Variants in DSCAM observed in about 807,000 individuals in gnomAD.
DSCAM encodes the protein DS cell adhesion molecule.
Under a neutral mutation model 217.7 loss-of-function variants are expected in DSCAM, and 47 were observed. The observed-to-expected ratio is 0.22, with a 90% CI of 0.17 to 0.28. The LOEUF (loss-of-function observed/expected upper bound fraction) is 0.28, where lower values mean the gene tolerates loss of function less well. Among genes scored for constraint, DSCAM ranks in the 10% least tolerant of loss-of-function variants. DSCAM has a pLI of 1.00. For missense variants in DSCAM, 2,080 were observed against 2,618.3 expected (o/e 0.79, Z 4.49); for synonymous variants, 1,056 against 1,015.3 (o/e 1.04, Z -0.76).
intron 3 of DSCAM, among the ~76,000 whole-genome samples, chr21:40,419,781 T>C (rs1259458266): frequency 2.0e-5 from 3 of 152,178 alleles, no homozygotes; most frequent in African/African-American, 4.8e-5. Context: ...AGCATCATCA[T>C]CACCATGTAT....
chr21:40,641,991 T>C (rs555446244), intron 3 of DSCAM, among the ~76,000 whole-genome samples: 87 of 147,674 alleles, frequency 5.9e-4, no homozygotes, highest in African/African-American at 2.0e-3. Flanking sequence ...GAGGTTCCAG[T>C]GAGCTGAGAT....
chr21:40,674,685 T>C (rs1049562043), intron 3 of DSCAM, among the ~76,000 whole-genome samples: 2 of 143,230 alleles, frequency 1.4e-5, no homozygotes, highest in Non-Finnish European at 3.0e-5. Flanking sequence ...CAGGCTGGAG[T>C]GCAGTGGCGC....
intron 1 of DSCAM, among the ~76,000 whole-genome samples, chr21:40,791,316 C>T (rs573342575): frequency 2.6e-5 from 4 of 151,802 alleles, no homozygotes; most frequent in African/African-American, 7.3e-5. Context: ...TGACAATATC[C>T]GCTTACGTTG....
intron 8 of DSCAM, among the ~76,000 whole-genome samples, chr21:40,321,809 T>G (rs1382077870): frequency 6.6e-6 from 1 of 152,184 alleles, no homozygotes; most frequent in East Asian, 1.9e-4. Flanking sequence ...GAGTATCCTT[T>G]GTGTCAGCCA....
At chr21:40,336,088 G>A (rs916770165) in intron 8 of DSCAM, among the ~76,000 whole-genome samples, 1 of 152,116 alleles carries the variant, frequency 6.6e-6, no homozygotes, top group Non-Finnish European at 1.5e-5. Flanking sequence ...TCTATGTCCT[G>A]TGTAATAAAA....
chr21:40,833,810 CTG>C (rs2092031476), intron 1 of DSCAM, among the ~76,000 whole-genome samples: 2 of 152,172 alleles, frequency 1.3e-5, no homozygotes, highest in Non-Finnish European at 2.9e-5. Flanking sequence ...TAACTAGACT[CTG>C]AGCTATTTAA....
chr21:40,025,776 G>C (rs1463442700), intron 32 of DSCAM, among the ~76,000 whole-genome samples: 3 of 150,606 alleles, frequency 2.0e-5, no homozygotes, highest in Admixed American at 1.3e-4. Flanking sequence ...CTCTTTATTA[G>C]TCTTGCTAGC....
intron 3 of DSCAM, among the ~76,000 whole-genome samples, chr21:40,523,738 T>G (rs371696691): frequency 6.6e-6 from 1 of 152,130 alleles, no homozygotes; most frequent in Non-Finnish European, 1.5e-5. Context: ...AGGAGTCTAA[T>G]TGATCTGATA....
chr21:40,641,613 G>T (rs1216446209), intron 3 of DSCAM, among the ~76,000 whole-genome samples: 1 of 152,088 alleles, frequency 6.6e-6, no homozygotes, highest in Non-Finnish European at 1.5e-5. Flanking sequence ...GATTCAACAT[G>T]ATTGAAAATA....
chr21:40,157,253 C>A (rs2090488300), intron 16 of DSCAM, among the ~76,000 whole-genome samples: 1 of 152,198 alleles, frequency 6.6e-6, no homozygotes, highest in Non-Finnish European at 1.5e-5. Context: ...GCAGTTAAGA[C>A]CGAGACTGCA....
At chr21:40,376,916 A>G (rs901660184) in intron 3 of DSCAM, among the ~76,000 whole-genome samples, 3 of 152,024 alleles carry the variant, frequency 2.0e-5, no homozygotes, top group Non-Finnish European at 2.9e-5. Flanking sequence ...AATTTATGTT[A>G]ATGTCCTAAC....
chr21:40,096,710 A>T (rs1482499061), intron 20 of DSCAM, among the ~76,000 whole-genome samples: 1 of 152,162 alleles, frequency 6.6e-6, no homozygotes, highest in Non-Finnish European at 1.5e-5. Context: ...ATATTAAAAA[A>T]AAAAACTGTA....
chr21:40,454,127 C>T (rs1238712504), intron 3 of DSCAM, among the ~76,000 whole-genome samples: 1 of 152,208 alleles, frequency 6.6e-6, no homozygotes, highest in East Asian at 1.9e-4. Context: ...AAAGTCTGCT[C>T]ATGATGAATC....
At chr21:40,284,604 A>G (rs1413489340) in intron 10 of DSCAM, among the ~76,000 whole-genome samples, 1 of 152,250 alleles carries the variant, frequency 6.6e-6, no homozygotes, top group Non-Finnish European at 1.5e-5. Flanking sequence ...AACCCCAAAC[A>G]TCAGGTTTAT....
At chr21:40,449,471 A>G (rs1326116504) in intron 3 of DSCAM, among the ~76,000 whole-genome samples, 3 of 152,244 alleles carry the variant, frequency 2.0e-5, no homozygotes, top group Non-Finnish European at 4.4e-5. Flanking sequence ...AGATGAAAAG[A>G]AAACATCCAG....
chr21:40,384,604 T>C, intron 3 of DSCAM: 1 of 153,116 alleles, frequency 6.5e-6, no homozygotes, highest in East Asian at 1.9e-4. Flanking sequence ...CGAAACCCCA[T>C]CTCAAAACCA....
At chr21:40,505,502 T>G (rs1483223064) in intron 3 of DSCAM, among the ~76,000 whole-genome samples, 1 of 152,228 alleles carries the variant, frequency 6.6e-6, no homozygotes, top group Non-Finnish European at 1.5e-5. Context: ...CAGAGCTTTC[T>G]CAGTCCCTTT....
chr21:40,407,534 G>C (rs1005224805), intron 3 of DSCAM, among the ~76,000 whole-genome samples: 2 of 152,162 alleles, frequency 1.3e-5, no homozygotes, highest in South Asian at 4.1e-4. Flanking sequence ...ATTTTGCTCA[G>C]GTGGAACCCA....
chr21:40,760,924 C>T (rs1176732111), intron 1 of DSCAM, among the ~76,000 whole-genome samples: 3 of 152,212 alleles, frequency 2.0e-5, no homozygotes, highest in African/African-American at 7.2e-5. Context: ...ATAGTGTGTG[C>T]ATGTGACACT....
Sources: gnomAD v4.1 joint callset for allele counts (sites outside exome capture counted in the v4.1 genomes callset) on GRCh38, gnomAD v4.1.1 for gene constraint, MANE v1.5 for transcripts, NCBI Gene and HGNC (gene_info 2026-07-23, HGNC 2026-07-21) for gene names.